Variants in TELO2 observed in about 807,000 individuals in gnomAD.
TELO2 encodes the protein telomere maintenance 2.
In TELO2, 71 loss-of-function variants were observed where a neutral mutation model predicts 91.0. That is an observed-to-expected ratio of 0.78 (90% CI 0.64 to 0.95). TELO2 has a LOEUF of 0.95. Ranked by LOEUF, TELO2 falls within the 40% of genes least tolerant of loss-of-function variation. The probability of loss-of-function intolerance (pLI) is 0.00; values close to 1 mark genes in which losing one functional copy is unlikely to be tolerated. For missense variants in TELO2, 1,183 were observed against 1,141.3 expected (o/e 1.04, Z -0.53); for synonymous variants, 584 against 518.9 (o/e 1.13, Z -1.71).
chr16:1,496,989 TG>T (rs2039515210), intron 3 of TELO2, 46 bp from the exon 4 acceptor site: 1 of 1,593,202 alleles, frequency 6.3e-7, no homozygotes, highest in African/African-American at 1.3e-5. Flanking sequence ...GATGTTCTTT[TG>T]TGCCTTCCCG....
In TELO2 at chr16:1,505,609, G is replaced by A. The variant is rs752397412; in HGVS notation, c.2034+8G>A. The A allele has an allele frequency of 1.9e-6, 3 of 1,609,248 alleles. No individual in the cohort carries two copies. In the South Asian group the frequency reaches 3.3e-5, roughly 18 times the overall value. On this transcript the variant is annotated splice_region_variant and intron_variant, in intron 16 of 20. Coordinates refer to ENST00000262319, the MANE Select transcript of TELO2 (RefSeq NM_016111.4). The surrounding 1 kb of genome is among the most constrained non-coding windows in gnomAD (Gnocchi z 4.3). ...ACCCAGCGGCTCTCCAAGGTTAGTG[G>A]CGCCTGGTCAGCTCCTCACGGGCAT... is the stretch of plus-strand genomic sequence containing the variant.
chr16:1,509,916 C>G lies in TELO2; in HGVS notation c.2494C>G (p.Leu832Val). The G allele has an allele frequency of 6.2e-7, 1 of 1,602,708 alleles. No homozygotes were observed. The highest frequency in any genetic ancestry group is 1.3e-5 in the African/African-American group (1 of 74,748). Residue 832 changes from leucine (L) to valine (V), a missense_variant, in exon 21 of 21, where the codon CTC becomes GTC. By Grantham distance (32) the Leu-to-Val change is conservative (BLOSUM62 1). Coordinates refer to ENST00000262319, the MANE Select transcript of TELO2 (RefSeq NM_016111.4). ...LLLQRLKNRLLPPASP is the reference protein window; with the variant it reads ...LLLQRLKNRLVPPASP ...TCTGCAGAGACTCAAGAACAGGCTC[C>G]TCCCACCCGCGTCTCCCTAGTCCCT... is the stretch of plus-strand genomic sequence containing the variant.
intron 20 of TELO2, among the ~76,000 whole-genome samples, 155 bp downstream of exon 20, chr16:1,507,871 T>TCGGCCCGGGGG (rs1164793926): frequency 1.1e-4 from 9 of 83,604 alleles, no homozygotes; most frequent in South Asian, 8.8e-4. Context: ...TGTGTGTGTG[T>TCGGCCCGGGGG]GTGTGTGTGT....
In TELO2 at chr16:1,501,710, C is replaced by T; in HGVS notation, c.1409C>T (p.Ala470Val). ...GCAGAGCCCCCTGCAGAGACCCCCG[C>T]AGAGATCGTGGATGGCGGCGTCCCC... is the stretch of plus-strand genomic sequence containing the variant. ...ATAEPPAETP[A>V]EIVDGGVPQA... Residue 470 changes from alanine (A) to valine (V), a missense_variant, in exon 11 of 21, where the codon GCA becomes GTA. Coordinates refer to ENST00000262319, the MANE Select transcript of TELO2 (RefSeq NM_016111.4). 1.4e-5 allele frequency: 22 copies of T among 1,612,850 alleles called. No individual in the cohort carries two copies. Among genetic ancestry groups the T allele is most frequent in the Non-Finnish European group, 1.8e-5 (21 of 1,179,802 alleles).
chr16:1,495,668 G>C (rs1054973823), intron 3 of TELO2, 45 bp downstream of exon 3: 7 of 1,539,652 alleles, frequency 4.5e-6, no homozygotes, highest in Non-Finnish European at 6.1e-6. Context: ...CGTCTTCTTG[G>C]GTCCTCGTCC....
intron 16 of TELO2, 108 bp from the exon 17 acceptor site, chr16:1,506,130 A>G: frequency 8.0e-7 from 1 of 1,250,574 alleles, no homozygotes; most frequent in Non-Finnish European, 1.1e-6. Context: ...CCGGGGAGGC[A>G]AGGCGAGGCT....
intron 15 of TELO2, among the ~76,000 whole-genome samples, chr16:1,504,790 C>G (rs111503560): frequency 0.024 from 3,613 of 151,950 alleles, 149 homozygotes; most frequent in African/African-American, 0.082. Flanking sequence ...ATCTCCTGAC[C>G]TCGTGATCCG....
intron 5 of TELO2, among the ~76,000 whole-genome samples, chr16:1,498,959 C>T (rs2141030605): frequency 1.3e-5 from 2 of 152,182 alleles, no homozygotes; most frequent in Middle Eastern, 3.4e-3. Context: ...CCGCCTCCGC[C>T]CGGGCTGAGG....
chr16:1,497,522 C>T lies in TELO2; in HGVS notation c.830+14C>T. 6.5e-7 allele frequency: 1 copy of T among 1,545,164 alleles called. No individual in the cohort carries two copies. On this transcript the variant is annotated intron_variant, in intron 5 of 20. Transcript: ENST00000262319. The surrounding 1 kb of genome is among the most constrained non-coding windows in gnomAD (Gnocchi z 4.0). ...GGCCGCACTGGGGTAAGCAGCCAGG[C>T]TGTCCTCCAGCTGCACTGGCTTCTG... is the stretch of plus-strand genomic sequence containing the variant.
Position 1,495,404 on chromosome 16 carries a change from C to G in TELO2, c.394C>G (p.Arg132Gly), listed in dbSNP as rs776490787. Reference protein sequence around the residue: ...RLLARFLREGRLAVLMEAQCR... With the variant: ...RLLARFLREGGLAVLMEAQCR... Reference sequence around the variant, plus strand: ...GCTGGCCAGATTCCTGCGCGAGGGCCGGCTGGCAGTGCTGATGGAGGCGCA... The same window carrying G: ...GCTGGCCAGATTCCTGCGCGAGGGCGGGCTGGCAGTGCTGATGGAGGCGCA... The change falls in exon 3 of 21, where the codon CGG becomes GGG. Residue 132 changes from arginine to glycine, a missense_variant. Coordinates refer to ENST00000262319, the MANE Select transcript of TELO2 (RefSeq NM_016111.4). 3.8e-6 allele frequency: 6 copies of G among 1,585,616 alleles called. No individual in the cohort carries two copies. The highest frequency in any genetic ancestry group is 5.1e-6 in the Non-Finnish European group (6 of 1,167,034).
Position 1,500,163 on chromosome 16 carries a change from A to G in TELO2, c.1001A>G (p.Gln334Arg). ...MDSQRRPLLL[Q>R]VLKELLETWG... ...AGCCAGCGGCGCCCGCTCCTGCTGCAGGTACGTGCCTCCTGGCTCTCCGTC... is the reference window on the plus strand; with the variant it reads ...AGCCAGCGGCGCCCGCTCCTGCTGCGGGTACGTGCCTCCTGGCTCTCCGTC... Residue 334 changes from glutamine (Q) to arginine (R), a missense_variant and splice_region_variant, in exon 7 of 21, where the codon CAG becomes CGG. Coordinates refer to ENST00000262319, the MANE Select transcript of TELO2 (RefSeq NM_016111.4). The G allele has an allele frequency of 6.2e-7, 1 of 1,603,358 alleles. No homozygotes were observed. The highest frequency in any genetic ancestry group is 8.5e-7 in the Non-Finnish European group (1 of 1,178,264).
chr16:1,501,302 C>A (rs994875788), intron 9 of TELO2, 118 bp from the exon 10 acceptor site: 52 of 1,075,834 alleles, frequency 4.8e-5, no homozygotes, highest in Non-Finnish European at 6.5e-5. Flanking sequence ...CAGGGCCCAG[C>A]CACTGAGTGA....
At position 1,506,865 on chromosome 16, in the gene TELO2, C is replaced by T. The variant is rs971921780; in HGVS notation, c.2127-87C>T. 4 of 1,463,600 alleles carry T rather than the reference C, an allele frequency of 2.7e-6. No individual in the cohort carries two copies. The African/African-American group carries it at 5.7e-5, about 21-fold the overall frequency. 90.7% of individuals were successfully genotyped at this position (1,463,600 alleles called of 1,614,324 possible). A position where few individuals can be genotyped will look rare whatever the true frequency, so the allele number is the denominator to read the frequency against. On this transcript the variant is annotated intron_variant, in intron 17 of 20. Coordinates refer to ENST00000262319, the MANE Select transcript of TELO2 (RefSeq NM_016111.4). Reference sequence around the variant, plus strand: ...GCACGGGAGGAGGGGCTGTGTGGGGCTCCCTCGGTCTCCCACGGTGGCCCA... The same window carrying T: ...GCACGGGAGGAGGGGCTGTGTGGGGTTCCCTCGGTCTCCCACGGTGGCCCA...
chr16:1,504,644 C>G (rs570299301), intron 15 of TELO2, among the ~76,000 whole-genome samples: 43 of 147,260 alleles, frequency 2.9e-4, no homozygotes, highest in African/African-American at 4.8e-4. Flanking sequence ...TGCAAGCTCC[C>G]CCTCCCGGGT....
intron 2 of TELO2, 52 bp from the exon 3 acceptor site, chr16:1,495,294 G>C (rs1484225390): frequency 2.4e-5 from 36 of 1,491,530 alleles, no homozygotes; most frequent in Non-Finnish European, 3.1e-5. Context: ...GGCAGGAAGG[G>C]GGCCCCGAGG....
At chr16:1,501,340 G>C in intron 9 of TELO2, 80 bp from the exon 10 acceptor site, 2 of 1,482,718 alleles carry the variant, frequency 1.3e-6, no homozygotes, top group Non-Finnish European at 1.8e-6. Context: ...GGCCACAGTG[G>C]GGAGTGGCTC....
At position 1,507,713 on chromosome 16, in the gene TELO2, G is replaced by T; in HGVS notation, c.2404G>T (p.Ala802Ser). Residue 802 changes from alanine (A) to serine (S), a missense_variant, in exon 20 of 21, where the codon GCG (alanine) becomes TCG (serine). Ala to Ser is a moderately conservative substitution (Grantham distance 99, BLOSUM62 1). Coordinates refer to ENST00000262319, the MANE Select transcript of TELO2 (RefSeq NM_016111.4). Reference sequence around the variant, plus strand: ...GCTGCTGGAAGCCCGGTCCTGGCTGGCGGGTGAGTGTCGGCCTGCGGTGTG... The same window carrying T: ...GCTGCTGGAAGCCCGGTCCTGGCTGTCGGGTGAGTGTCGGCCTGCGGTGTG... ...DELLEARSWLADVAEKDPDED... is the reference protein window; with the variant it reads ...DELLEARSWLSDVAEKDPDED... 6.2e-7 allele frequency: 1 copy of T among 1,601,828 alleles called. No individual in the cohort carries two copies.
Sources: allele counts gnomAD v4.1 joint callset (sites outside exome capture counted in the v4.1 genomes callset), GRCh38; gene constraint gnomAD v4.1.1; non-coding constraint Gnocchi (gnomAD v3.1); transcripts MANE v1.5; gene names NCBI Gene and HGNC (gene_info 2026-07-23, HGNC 2026-07-21).